CCDC38: variants seen among roughly 807,000 people sequenced by gnomAD.
CCDC38 encodes the protein coiled-coil domain-containing protein 38.
Under a neutral mutation model 72.8 loss-of-function variants are expected in CCDC38, and 69 were observed. The ratio of observed to expected loss-of-function variants is 0.95; its 90% CI spans 0.78 to 1.16. The LOEUF (loss-of-function observed/expected upper bound fraction) is 1.16. Among genes scored for constraint, CCDC38 ranks in the 50% most tolerant of loss-of-function variants. The pLI is 0.00. For missense variants in CCDC38, 626 were observed against 638.9 expected (o/e 0.98, Z 0.22); for synonymous variants, 201 against 213.2 (o/e 0.94, Z 0.50).
At position 95,936,128 on chromosome 12, in the gene CCDC38, G is replaced by A. The variant is rs190329969; in HGVS notation, c.37+345C>T. Among the ~76,000 whole-genome samples, 531 of 152,010 alleles carry A rather than the reference G, an allele frequency of 3.5e-3. 3 individuals carry two copies. Among genetic ancestry groups the A allele is most frequent in the Middle Eastern group, 6.8e-3 (2 of 294 alleles). On this transcript the variant is annotated intron_variant, in intron 2 of 15. Transcript: ENST00000344280. Reference sequence around the variant, plus strand: ...ATAAAATAAATAAAAATAAAAAATAGGCAGAAGGATAAGATGAGAAAGGGT... The same window carrying A: ...ATAAAATAAATAAAAATAAAAAATAAGCAGAAGGATAAGATGAGAAAGGGT...
intron 2 of CCDC38, among the ~76,000 whole-genome samples, chr12:95,930,786 C>G (rs541167292): frequency 1.4e-3 from 208 of 152,238 alleles, no homozygotes; most frequent in Middle Eastern, 6.8e-3. Context: ...AGCTCTTTAG[C>G]AAACTGGACG....
chr12:95,902,192 A>G (rs563276521), intron 5 of CCDC38, among the ~76,000 whole-genome samples: 5 of 152,324 alleles, frequency 3.3e-5, no homozygotes, highest in African/African-American at 4.8e-5. Flanking sequence ...AATCATTTTC[A>G]TAATTTTTTT....
Position 95,879,924 on chromosome 12 carries a change from T to C in CCDC38, c.991-129A>G. On this transcript the variant is annotated intron_variant, in intron 11 of 15. Coordinates refer to ENST00000344280, the MANE Select transcript of CCDC38 (RefSeq NM_182496.3). The surrounding 1 kb of genome is among the most constrained non-coding windows in gnomAD (Gnocchi z 5.5). ...GGATGAGGGAGACACAGGTAGGAAC[T>C]TGTATGGGAAACTCGCCTATTTCCA... 1 of 618,676 alleles carries C rather than the reference T, an allele frequency of 1.6e-6. No individual in the cohort carries two copies. Among genetic ancestry groups the C allele is most frequent in the Non-Finnish European group, 2.6e-6 (1 of 377,742 alleles). The allele number at this position is 618,676 out of a possible 1,614,324, so 38.3% of individuals were successfully genotyped here.
intron 8 of CCDC38, among the ~76,000 whole-genome samples, chr12:95,894,290 A>G (rs1051675145): frequency 2.0e-5 from 3 of 152,206 alleles, no homozygotes; most frequent in Non-Finnish European, 2.9e-5. Context: ...CTGTTTACAG[A>G]ATCCTTTAAT....
Position 95,867,162 on chromosome 12 carries a change from T to C in CCDC38, c.1606A>G (p.Lys536Glu). 1 of 1,606,348 alleles carries C rather than the reference T, an allele frequency of 6.2e-7. No individual in the cohort carries two copies. Among genetic ancestry groups the C allele is most frequent in the Non-Finnish European group, 8.5e-7 (1 of 1,175,118 alleles). The change falls in exon 16 of 16, where the codon AAA becomes GAA. Residue 536 changes from lysine (K) to glutamate (E), a missense_variant. Lys to Glu is a moderately conservative substitution (Grantham distance 56, BLOSUM62 1). Transcript: ENST00000344280. ...TGCTGTTTGTTACCAGATGGAGGTT[T>C]TGAATGAAAGACAAGTCGTCTTCCC... is the stretch of plus-strand genomic sequence containing the variant. ...KLGRRLVFHS[K>E]PPSGNKQQLP...
At chr12:95,893,367 CT>C (rs1222845945) in intron 8 of CCDC38, among the ~76,000 whole-genome samples, 1 of 150,778 alleles carries the variant, frequency 6.6e-6, no homozygotes, top group African/African-American at 2.4e-5. Flanking sequence ...TCCCTTCCTT[CT>C]TTTTTGAGAC....
At chr12:95,915,181 A>G (rs2080132015) in intron 4 of CCDC38, among the ~76,000 whole-genome samples, 1 of 152,236 alleles carries the variant, frequency 6.6e-6, no homozygotes, top group South Asian at 2.1e-4. Context: ...TAGACTCGTT[A>G]TAGTGAGTTT....
chr12:95,879,874 G>A lies in CCDC38; in HGVS notation c.991-79C>T. On this transcript the variant is annotated intron_variant, in intron 11 of 15. Transcript: ENST00000344280. This position sits in a 1 kb window ranked among gnomAD's most constrained non-coding sequence, Gnocchi z 5.5. ...ACATGTGACTTATCTAGAAAATACAGTGGGGTAAAGGAAGACAGTTCTAAG... is the reference window on the plus strand; with the variant it reads ...ACATGTGACTTATCTAGAAAATACAATGGGGTAAAGGAAGACAGTTCTAAG... 9.1e-7 allele frequency: 1 copy of A among 1,093,860 alleles called. No individual in the cohort carries two copies. Among genetic ancestry groups the A allele is most frequent in the Non-Finnish European group, 1.3e-6 (1 of 763,434 alleles). The allele number at this position is 1,093,860 out of a possible 1,614,324, so 67.8% of individuals were successfully genotyped here.
chr12:95,867,218 A>AG, intron 15 of CCDC38, 29 bp from the exon 16 acceptor site: 1 of 1,228,246 alleles, frequency 8.1e-7, no homozygotes, highest in Non-Finnish European at 1.2e-6. Flanking sequence ...AAAATACTTA[A>AG]TATTTTTTGA....
At chr12:95,936,413 T>A in intron 2 of CCDC38, 60 bp downstream of exon 2, 1 of 1,466,694 alleles carries the variant, frequency 6.8e-7, no homozygotes, top group Non-Finnish European at 9.4e-7. Flanking sequence ...GCTCACAATC[T>A]GTTATGGAGC....
chr12:95,899,182 C>T (rs1254956456), intron 5 of CCDC38, among the ~76,000 whole-genome samples: 1 of 152,226 alleles, frequency 6.6e-6, no homozygotes, highest in Non-Finnish European at 1.5e-5. Flanking sequence ...CCCAAGGGTA[C>T]CACATCTAAC....
chr12:95,895,581 G>A lies in CCDC38; in HGVS notation c.615-435C>T, dbSNP rs1459860547. 5.3e-5 allele frequency among the ~76,000 whole-genome samples: 8 copies of A among 151,792 alleles called. No homozygotes were observed. The East Asian group carries it at 5.8e-4, about 11-fold the overall frequency. On this transcript the variant is annotated intron_variant, in intron 7 of 15. Coordinates refer to ENST00000344280, the MANE Select transcript of CCDC38 (RefSeq NM_182496.3). The stretch of plus-strand genomic sequence containing the variant: ...AGCCTGGCCAACATGGAGAAAACCC[G>A]TCTTTACTAAAAATAGAAAAAACTA...
At chr12:95,903,097 T>C (rs2121485896) in intron 5 of CCDC38, among the ~76,000 whole-genome samples, 1 of 152,314 alleles carries the variant, frequency 6.6e-6, no homozygotes, top group South Asian at 2.1e-4. Flanking sequence ...TAGTTTTCAG[T>C]GTACATCTAT....
intron 2 of CCDC38, among the ~76,000 whole-genome samples, chr12:95,929,070 G>A (rs1393910353): frequency 6.6e-6 from 1 of 152,180 alleles, no homozygotes; most frequent in African/African-American, 2.4e-5. Flanking sequence ...GCTCCACCCA[G>A]TTCGAGCTTC....
intron 4 of CCDC38, among the ~76,000 whole-genome samples, chr12:95,908,681 G>T (rs1481017914): frequency 3.8e-5 from 3 of 79,962 alleles, no homozygotes; most frequent in Admixed American, 3.4e-4. Context: ...GAGAGGGAGA[G>T]GGGGCTGTCA....
chr12:95,929,902 A>T (rs1226765488), intron 2 of CCDC38, among the ~76,000 whole-genome samples: 1 of 152,072 alleles, frequency 6.6e-6, no homozygotes, highest in Non-Finnish European at 1.5e-5. Flanking sequence ...CTAGCTTCTG[A>T]TGGCTCTAGA....
At chr12:95,919,728 C>A (rs1326925324) in intron 2 of CCDC38, 4 of 417,182 alleles carry the variant, frequency 9.6e-6, no homozygotes, top group South Asian at 3.5e-5. Flanking sequence ...CATATACCAC[C>A]ATTACCCTTA....
chr12:95,898,800 C>T (rs2079921106), intron 5 of CCDC38, 69 bp from the exon 6 acceptor site: 1 of 1,421,196 alleles, frequency 7.0e-7, no homozygotes, highest in Non-Finnish European at 9.7e-7. Context: ...CAGTCTTATA[C>T]ACAGCAAGTG....
chr12:95,870,340 CTG>C (rs1376492096), intron 14 of CCDC38, among the ~76,000 whole-genome samples: 1 of 152,098 alleles, frequency 6.6e-6, no homozygotes, highest in African/African-American at 2.4e-5. Context: ...ATTAAGTAAT[CTG>C]TGCAACTTAT....
Sources: gnomAD v4.1 joint callset for allele counts (sites outside exome capture counted in the v4.1 genomes callset) on GRCh38, gnomAD v4.1.1 for gene constraint, Gnocchi (gnomAD v3.1) non-coding constraint, MANE v1.5 for transcripts, NCBI Gene and HGNC (gene_info 2026-07-23, HGNC 2026-07-21) for gene names.